The following AGAP1 variants were observed in gnomAD, a reference collection of about 807,000 sequenced individuals.
AGAP1 encodes arf-GAP with GTPase, ANK repeat and PH domain-containing protein 1.
AGAP1 carries 29 observed loss-of-function variants against 105.3 expected under a neutral mutation model. The ratio of observed to expected loss-of-function variants is 0.28; its 90% CI spans 0.21 to 0.38. AGAP1 has a LOEUF of 0.38. Among genes scored for constraint, AGAP1 ranks in the 10% least tolerant of loss-of-function variants. The pLI, the probability that AGAP1 is intolerant of heterozygous loss-of-function variation, is 1.00. For missense variants in AGAP1, 998 were observed against 1,165.1 expected (o/e 0.86, Z 2.09); for synonymous variants, 509 against 485.9 (o/e 1.05, Z -0.63).
At chr2:235,766,889 G>C (rs112482480) in intron 6 of AGAP1, among the ~76,000 whole-genome samples, 5 of 149,904 alleles carry the variant, frequency 3.3e-5, no homozygotes, top group Non-Finnish European at 7.4e-5. Context: ...TTATATGTGC[G>C]TGCCACCACA....
Position 235,635,238 on chromosome 2 carries a change from A to G in AGAP1, c.164-73941A>G, listed in dbSNP as rs902932710. 1.2e-4 allele frequency among the ~76,000 whole-genome samples: 18 copies of G among 152,044 alleles called. No homozygotes were observed. The highest frequency in any genetic ancestry group is 2.4e-5 in the African/African-American group (1 of 41,390). Reference sequence around the variant, plus strand: ...GCAGTGGGTCGGTCAAACCTTTCCAAGCCTCCGTGTCCTCATCTGAAAATG... The same window carrying G: ...GCAGTGGGTCGGTCAAACCTTTCCAGGCCTCCGTGTCCTCATCTGAAAATG... On this transcript the variant is annotated intron_variant, in intron 1 of 17. Transcript: ENST00000304032. The surrounding 1 kb of genome is among the most constrained non-coding windows in gnomAD (Gnocchi z 5.3).
intron 16 of AGAP1, among the ~76,000 whole-genome samples, chr2:236,102,232 A>G (rs966286366): frequency 2.0e-5 from 3 of 152,116 alleles, no homozygotes; most frequent in South Asian, 2.1e-4. Context: ...CCTGGCTAAC[A>G]CGGTGAAACC....
rs1170165492 is a variant in AGAP1, at chr2:236,092,501, T to C, written c.2115-27691T>C. Among the ~76,000 whole-genome samples the C allele has an allele frequency of 6.6e-6, 1 of 152,206 alleles. No homozygotes were observed. Among genetic ancestry groups the C allele is most frequent in the Non-Finnish European group, 1.5e-5 (1 of 68,050 alleles). ...TCCGCCTCCCGGGTTCAAGCAATTC[T>C]CCTGCCTCAGCCTCCCGAGTAAGCT... On this transcript the variant is annotated intron_variant, in intron 16 of 17. Coordinates refer to ENST00000304032, the MANE Select transcript of AGAP1 (RefSeq NM_001037131.3). This position sits in a 1 kb window ranked among gnomAD's most constrained non-coding sequence, Gnocchi z 4.7.
rs188214723 is a variant in AGAP1 at position 236,090,700 on chromosome 2, T to A, written c.2115-29492T>A. ...CTTGCAAACATAATCCTTCCTTGTT[T>A]TTCTTTTGTTGGTGGTGGTTGTGTT... On this transcript the variant is annotated intron_variant, in intron 16 of 17. Coordinates refer to ENST00000304032, the MANE Select transcript of AGAP1 (RefSeq NM_001037131.3). This position sits in a 1 kb window ranked among gnomAD's most constrained non-coding sequence, Gnocchi z 4.3. Among the ~76,000 whole-genome samples, 31 of 152,186 alleles carry A rather than the reference T, an allele frequency of 2.0e-4. No individual in the cohort carries two copies. The highest frequency in any genetic ancestry group is 7.9e-4 in the Admixed American group (12 of 15,272).
At chr2:236,065,720 C>T (rs2058328764) in intron 16 of AGAP1, among the ~76,000 whole-genome samples, 1 of 152,228 alleles carries the variant, frequency 6.6e-6, no homozygotes, top group African/African-American at 2.4e-5. Context: ...AAATGGGGCT[C>T]TTCTGACAGC....
chr2:235,845,064 A>T lies in AGAP1; in HGVS notation c.1050+37733A>T, dbSNP rs904808184. Reference sequence around the variant, plus strand: ...CCAGCAGTGGGGCTCCACATGGCTGAATTGAACAGTCAACAAGGCAGCCTC... The same window carrying T: ...CCAGCAGTGGGGCTCCACATGGCTGTATTGAACAGTCAACAAGGCAGCCTC... On this transcript the variant is annotated intron_variant, in intron 9 of 17. Transcript: ENST00000304032. The surrounding 1 kb of genome is among the most constrained non-coding windows in gnomAD (Gnocchi z 4.8). Among the ~76,000 whole-genome samples, 1 of 152,156 alleles carries T rather than the reference A, an allele frequency of 6.6e-6. No individual in the cohort carries two copies. Among genetic ancestry groups the T allele is most frequent in the South Asian group, 2.1e-4 (1 of 4,818 alleles).
At chr2:235,840,507 C>T (rs78810039) in intron 9 of AGAP1, among the ~76,000 whole-genome samples, 2 of 152,260 alleles carry the variant, frequency 1.3e-5, no homozygotes, top group South Asian at 2.1e-4. Flanking sequence ...TCTCAATACT[C>T]GTGGGTCCGT....
At position 235,716,974 on chromosome 2, in the gene AGAP1, C is replaced by T. The variant is rs1951141300; in HGVS notation, c.223-583C>T. 6.6e-6 allele frequency among the ~76,000 whole-genome samples: 1 copy of T among 152,080 alleles called. No homozygotes were observed. Among genetic ancestry groups the T allele is most frequent in the Admixed American group, 6.6e-5 (1 of 15,258 alleles). On this transcript the variant is annotated intron_variant, in intron 2 of 17. Transcript: ENST00000304032. The surrounding 1 kb of genome is among the most constrained non-coding windows in gnomAD (Gnocchi z 4.0). ...CACTGTCCCCTTTTTCTCGGAGATG[C>T]CTTGGTGGGTCCTGTGTCTGGGAGG...
rs937628581 is a variant in AGAP1, at chr2:235,888,723, T to C, written c.1155+5274T>C. Among the ~76,000 whole-genome samples, 1 of 148,260 alleles carries C rather than the reference T, an allele frequency of 6.7e-6. No homozygotes were observed. The highest frequency in any genetic ancestry group is 1.5e-5 in the Non-Finnish European group (1 of 67,528). ...CTGTCTTTAAAAAAAAAAAAAAAGT[T>C]GATAGAGGCAGGTACAGCATTTGTT... On this transcript the variant is annotated intron_variant, in intron 10 of 17. Coordinates refer to ENST00000304032, the MANE Select transcript of AGAP1 (RefSeq NM_001037131.3). This position sits in a 1 kb window ranked among gnomAD's most constrained non-coding sequence, Gnocchi z 4.8.
chr2:235,534,105 A>T (rs569232675), intron 1 of AGAP1, among the ~76,000 whole-genome samples: 101 of 152,278 alleles, frequency 6.6e-4, no homozygotes, highest in Admixed American at 2.0e-3. Flanking sequence ...AGGAGTACTC[A>T]CTGTGTGTTC....
At chr2:235,774,529 C>G in intron 6 of AGAP1, 1 of 331,020 alleles carries the variant, frequency 3.0e-6, no homozygotes. Context: ...CTAAAAATTG[C>G]TGATAGGAAA....
In AGAP1 at chr2:236,114,321, GCTT is replaced by G. The variant is rs3835791; in HGVS notation, c.2115-5867_2115-5865del. On this transcript the variant is annotated intron_variant, in intron 16 of 17. Coordinates refer to ENST00000304032, the MANE Select transcript of AGAP1 (RefSeq NM_001037131.3). This position sits in a 1 kb window ranked among gnomAD's most constrained non-coding sequence, Gnocchi z 5.0. ...TGAGTCTGTGTGCTTTGACATCATG[GCTT>G]CTTAGGGCAAATGCCTCTAGACGGA... is the stretch of plus-strand genomic sequence containing the variant. Among the ~76,000 whole-genome samples, 14 of 152,292 alleles carry G rather than the reference GCTT, an allele frequency of 9.2e-5. No homozygotes were observed. The East Asian group carries it at 2.7e-3, about 29-fold the overall frequency.
intron 1 of AGAP1, among the ~76,000 whole-genome samples, chr2:235,606,567 C>T (rs1190441996): frequency 5.2e-5 from 7 of 134,242 alleles, no homozygotes. Context: ...AATCGAAAGC[C>T]AATCCTGAGT....
rs907467718 is a variant in AGAP1 at position 235,752,256 on chromosome 2, C to T, written c.673+1768C>T. ...GCAATGGCGTGATGGCAGCTCACTGCAACCTCTGCCTCCCAGGTTCAGGCA... is the reference window on the plus strand; with the variant it reads ...GCAATGGCGTGATGGCAGCTCACTGTAACCTCTGCCTCCCAGGTTCAGGCA... On this transcript the variant is annotated intron_variant, in intron 6 of 17. Coordinates refer to ENST00000304032, the MANE Select transcript of AGAP1 (RefSeq NM_001037131.3). The surrounding 1 kb of genome is among the most constrained non-coding windows in gnomAD (Gnocchi z 4.3). Among the ~76,000 whole-genome samples, 5 of 152,196 alleles carry T rather than the reference C, an allele frequency of 3.3e-5. No homozygotes were observed. Among genetic ancestry groups the T allele is most frequent in the Admixed American group, 6.5e-5 (1 of 15,282 alleles).
chr2:235,648,947 C>T (rs1947489275), intron 1 of AGAP1, among the ~76,000 whole-genome samples: 1 of 152,030 alleles, frequency 6.6e-6, no homozygotes, highest in African/African-American at 2.4e-5. Context: ...GCAGGGACCC[C>T]TCCCCTGTAC....
chr2:235,563,764 T>C (rs1449223104), intron 1 of AGAP1, among the ~76,000 whole-genome samples: 1 of 152,160 alleles, frequency 6.6e-6, no homozygotes, highest in East Asian at 1.9e-4. Context: ...AGCTAGCGTT[T>C]CTTGAGGGTC....
chr2:235,709,265 C>G, intron 2 of AGAP1, 28 bp downstream of exon 2: 1 of 1,612,074 alleles, frequency 6.2e-7, no homozygotes, highest in Non-Finnish European at 8.5e-7. Context: ...GCCCTGGCAC[C>G]TGTGGGAAGG....
chr2:235,507,755 G>A (rs911026509), intron 1 of AGAP1, among the ~76,000 whole-genome samples: 22 of 152,100 alleles, frequency 1.4e-4, no homozygotes, highest in Admixed American at 9.2e-4. Flanking sequence ...GCAGAGTCAG[G>A]ATTCGAACTC....
At position 235,885,451 on chromosome 2, in the gene AGAP1, A is replaced by T. The variant is rs556126258; in HGVS notation, c.1155+2002A>T. 3.3e-5 allele frequency among the ~76,000 whole-genome samples: 5 copies of T among 152,296 alleles called. No individual in the cohort carries two copies. The South Asian group carries it at 1.0e-3, about 32-fold the overall frequency. On this transcript the variant is annotated intron_variant, in intron 10 of 17. Coordinates refer to ENST00000304032, the MANE Select transcript of AGAP1 (RefSeq NM_001037131.3). ...TGTTTATCTCTCTGTCCCCTTGTCC[A>T]ATTTGCCTAGGATACATTCCTAGCA...
Sources: allele counts gnomAD v4.1 joint callset (sites outside exome capture counted in the v4.1 genomes callset), GRCh38; gene constraint gnomAD v4.1.1; non-coding constraint Gnocchi (gnomAD v3.1); transcripts MANE v1.5; gene names NCBI Gene and HGNC (gene_info 2026-07-23, HGNC 2026-07-21).